ANKFY1: variants seen among roughly 807,000 people sequenced by gnomAD.
ANKFY1 encodes ankyrin repeat and FYVE domain-containing protein 1.
ANKFY1 carries 47 observed loss-of-function variants against 128.3 expected under a neutral mutation model. The observed-to-expected ratio is 0.37, with a 90% CI of 0.29 to 0.47. The LOEUF (loss-of-function observed/expected upper bound fraction) is 0.47, where lower values mean the gene tolerates loss of function less well. Ranked by LOEUF, ANKFY1 falls within the 20% of genes least tolerant of loss-of-function variation. The pLI is 1.00. For synonymous variants in ANKFY1, 553 were observed against 601.6 expected (o/e 0.92, Z 1.18); for missense variants, 1,222 against 1,510.6 (o/e 0.81, Z 3.17).
At chr17:4,168,577 CTT>C (rs2059255645) in intron 24 of ANKFY1, among the ~76,000 whole-genome samples, 1 of 152,124 alleles carries the variant, frequency 6.6e-6, no homozygotes, top group African/African-American at 2.4e-5. Flanking sequence ...ACTGCAACCT[CTT>C]GTCTCAGCCT....
chr17:4,211,028 TCAA>T lies in ANKFY1; in HGVS notation c.459-1084_459-1082del, dbSNP rs1238870291. Reference sequence around the variant, plus strand: ...GCCTGGGCAGCGGAGTGAGACTCCATCAACAACAACAACAAAAAAAATAAAAAG... The same window carrying T: ...GCCTGGGCAGCGGAGTGAGACTCCATCAACAACAACAAAAAAAATAAAAAG... On this transcript the variant is annotated intron_variant, in intron 4 of 24. Coordinates refer to ENST00000341657, the MANE Select transcript of ANKFY1 (RefSeq NM_001330063.2). Among the ~76,000 whole-genome samples the T allele has an allele frequency of 4.7e-5, 7 of 150,100 alleles. No individual in the cohort carries two copies. The East Asian group carries it at 1.4e-3, about 29-fold the overall frequency.
At chr17:4,224,299 T>C (rs2060384078) in intron 3 of ANKFY1, among the ~76,000 whole-genome samples, 2 of 137,618 alleles carry the variant, frequency 1.5e-5, no homozygotes, top group African/African-American at 2.7e-5. Flanking sequence ...CTCGGCTCAC[T>C]GCAGGCTCTG....
At chr17:4,263,125 C>A (rs1490649535) in intron 1 of ANKFY1, among the ~76,000 whole-genome samples, 1 of 152,220 alleles carries the variant, frequency 6.6e-6, no homozygotes, top group East Asian at 1.9e-4. Context: ...CGTCTCTGGG[C>A]CTTCTTTCCC....
intron 1 of ANKFY1, among the ~76,000 whole-genome samples, chr17:4,262,725 G>T (rs1478809250): frequency 6.6e-6 from 1 of 151,670 alleles, no homozygotes; most frequent in African/African-American, 2.4e-5. Context: ...CCAGCCGGTG[G>T]GACAGAGCGA....
chr17:4,240,603 G>A (rs1967158803), intron 2 of ANKFY1, among the ~76,000 whole-genome samples: 1 of 151,998 alleles, frequency 6.6e-6, no homozygotes, highest in African/African-American at 2.4e-5. Context: ...TGTTGGTCAG[G>A]CTGGTCTCAA....
At chr17:4,215,690 TCAACAAA>T (rs1294646445) in intron 4 of ANKFY1, among the ~76,000 whole-genome samples, 1 of 152,172 alleles carries the variant, frequency 6.6e-6, no homozygotes, top group Non-Finnish European at 1.5e-5. Context: ...GCCTACTCGG[TCAACAAA>T]CAACAAACAG....
chr17:4,263,217 T>C (rs1257466514), intron 1 of ANKFY1, among the ~76,000 whole-genome samples: 1 of 151,996 alleles, frequency 6.6e-6, no homozygotes, highest in Non-Finnish European at 1.5e-5. Flanking sequence ...GAGACCAGAG[T>C]GCCTTAAGCT....
At chr17:4,245,066 G>C (rs189624195) in intron 1 of ANKFY1, among the ~76,000 whole-genome samples, 1 of 152,142 alleles carries the variant, frequency 6.6e-6, no homozygotes, top group East Asian at 1.9e-4. Flanking sequence ...TCTCCTCCTA[G>C]ACCTCTGACA....
At chr17:4,247,776 C>G (rs560425218) in intron 1 of ANKFY1, among the ~76,000 whole-genome samples, 1 of 152,110 alleles carries the variant, frequency 6.6e-6, no homozygotes, top group African/African-American at 2.4e-5. Context: ...GGGATCAAGC[C>G]CAGCCCCACT....
At chr17:4,201,479 A>ACTTTTTT (rs2059927112) in intron 7 of ANKFY1, among the ~76,000 whole-genome samples, 1 of 135,700 alleles carries the variant, frequency 7.4e-6, no homozygotes, top group African/African-American at 2.7e-5. Flanking sequence ...CCTGTGTCTG[A>ACTTTTTT]TTTTTTTTTT....
chr17:4,258,984 G>C (rs553692963), intron 1 of ANKFY1, among the ~76,000 whole-genome samples: 7 of 152,248 alleles, frequency 4.6e-5, no homozygotes, highest in African/African-American at 1.7e-4. Context: ...AAGAAATGGA[G>C]AGTGATTTTA....
intron 3 of ANKFY1, chr17:4,223,879 T>C: frequency 1.2e-6 from 1 of 813,756 alleles, no homozygotes; most frequent in Non-Finnish European, 2.0e-6. Flanking sequence ...CTGTCATGGA[T>C]GCTTTGTATC....
At chr17:4,211,641 G>A (rs1048234314) in intron 4 of ANKFY1, among the ~76,000 whole-genome samples, 1 of 152,110 alleles carries the variant, frequency 6.6e-6, no homozygotes, top group Non-Finnish European at 1.5e-5. Flanking sequence ...GCCAAGGCAG[G>A]AGGAGTACTT....
Position 4,263,921 on chromosome 17 carries a change from A to T in ANKFY1, c.10+11T>A. The T allele has an allele frequency of 6.2e-7, 1 of 1,613,926 alleles. No homozygotes were observed. The highest frequency in any genetic ancestry group is 8.5e-7 in the Non-Finnish European group (1 of 1,179,916). On this transcript the variant is annotated intron_variant, in intron 1 of 24. Coordinates refer to ENST00000341657, the MANE Select transcript of ANKFY1 (RefSeq NM_001330063.2). Reference sequence around the variant, plus strand: ...CGTGTCTTCCCGCGCGGCTCCACAAAAAAACCCTACCTTCCGCCATGTCTG... The same window carrying T: ...CGTGTCTTCCCGCGCGGCTCCACAATAAAACCCTACCTTCCGCCATGTCTG...
Position 4,178,768 on chromosome 17 carries a change from G to A in ANKFY1, c.2598+89C>T. On this transcript the variant is annotated intron_variant, in intron 18 of 24. Coordinates refer to ENST00000341657, the MANE Select transcript of ANKFY1 (RefSeq NM_001330063.2). The surrounding 1 kb of genome is among the most constrained non-coding windows in gnomAD (Gnocchi z 4.1). ...TTCAAAACAAAGCTCTTTCCATGAG[G>A]AGACCTGTTTAGTCGGTGACATCTG... 2 of 1,281,716 alleles carry A rather than the reference G, an allele frequency of 1.6e-6. No homozygotes were observed. Among genetic ancestry groups the A allele is most frequent in the Non-Finnish European group, 2.2e-6 (2 of 896,286 alleles). The allele number at this position is 1,281,716 out of a possible 1,614,324, so 79.4% of individuals were successfully genotyped here.
intron 3 of ANKFY1, among the ~76,000 whole-genome samples, chr17:4,218,315 C>A (rs1047700623): frequency 6.6e-6 from 1 of 152,136 alleles, no homozygotes; most frequent in African/African-American, 2.4e-5. Context: ...TCGTAAGAGT[C>A]CAACAATGGA....
chr17:4,181,192 A>G lies in ANKFY1; in HGVS notation c.2240+62T>C, dbSNP rs905756985. On this transcript the variant is annotated intron_variant, in intron 16 of 24. Coordinates refer to ENST00000341657, the MANE Select transcript of ANKFY1 (RefSeq NM_001330063.2). The surrounding 1 kb of genome is among the most constrained non-coding windows in gnomAD (Gnocchi z 4.9). Reference sequence around the variant, plus strand: ...AAGACTATAGACGGATTTAAAAAGGAAAGAGCCAGTTTGCAACAAGCTCAC... The same window carrying G: ...AAGACTATAGACGGATTTAAAAAGGGAAGAGCCAGTTTGCAACAAGCTCAC... 1.4e-6 allele frequency: 2 copies of G among 1,381,434 alleles called. No individual in the cohort carries two copies. The highest frequency in any genetic ancestry group is 1.7e-5 in the Admixed American group (1 of 58,602). 85.6% of individuals were successfully genotyped at this position (1,381,434 alleles called of 1,614,324 possible).
In ANKFY1 at chr17:4,194,985, C is replaced by G. The variant is rs370239349; in HGVS notation, c.1365G>C (p.Thr455=). Residue 455 remains threonine (T), a synonymous_variant, in exon 10 of 25, where the codon ACG becomes ACC. Transcript: ENST00000341657. The stretch of plus-strand genomic sequence containing the variant: ...GGGAGGCACGTGCTTTACCTGTCGC[C>G]GTGTCAGGTGCGTCTGTGTGGCTGC... ...QRGSHTDAPD[T]ATGNCLLQRA... 1 of 1,614,194 alleles carries G rather than the reference C, an allele frequency of 6.2e-7. No homozygotes were observed. The highest frequency in any genetic ancestry group is 1.3e-5 in the African/African-American group (1 of 75,042).
At chr17:4,216,447 C>T (rs2060222194) in intron 4 of ANKFY1, 1 of 163,528 alleles carries the variant, frequency 6.1e-6, no homozygotes, top group South Asian at 1.5e-4. Context: ...CTTGGGAGAG[C>T]AACAGAGAAA....
Sources: allele counts gnomAD v4.1 joint callset (sites outside exome capture counted in the v4.1 genomes callset), GRCh38; gene constraint gnomAD v4.1.1; non-coding constraint Gnocchi (gnomAD v3.1); transcripts MANE v1.5; gene names NCBI Gene and HGNC (gene_info 2026-07-23, HGNC 2026-07-21).